Variants in ZNF827 observed in about 807,000 individuals in gnomAD.
The protein encoded by ZNF827 is zinc finger protein 827.
A neutral mutation model predicts 102.4 loss-of-function variants in ZNF827; 13 were observed. The ratio of observed to expected loss-of-function variants is 0.13; its 90% CI spans 0.08 to 0.20. The LOEUF is 0.20. ZNF827 is among the 10% of genes least tolerant of loss of function. The pLI, the probability that ZNF827 is intolerant of heterozygous loss-of-function variation, is 1.00. For missense variants in ZNF827, 1,103 were observed against 1,344.4 expected (o/e 0.82, Z 2.81); for synonymous variants, 523 against 536.2 (o/e 0.98, Z 0.34).
chr4:145,903,131 G>A lies in ZNF827; in HGVS notation c.128C>T (p.Ala43Val), dbSNP rs755375959. Residue 43 changes from alanine to valine, a missense_variant, in exon 2 of 15, where the codon GCA (alanine) becomes GTA (valine). Coordinates refer to ENST00000508784, the MANE Select transcript of ZNF827 (RefSeq NM_001306215.2). ...GTTCTCCTGGACTTCCCCATAGGATGCTTCTGACGGAGTCTCTGAAGAGTT... is the reference window on the plus strand; with the variant it reads ...GTTCTCCTGGACTTCCCCATAGGATACTTCTGACGGAGTCTCTGAAGAGTT... ...YGNSSETPSE[A>V]SYGEVQENYK... 1.1e-5 allele frequency: 18 copies of A among 1,614,208 alleles called. No individual in the cohort carries two copies. The highest frequency in any genetic ancestry group is 6.6e-5 in the South Asian group (6 of 91,080).
chr4:145,779,872 T>C (rs74770515), intron 8 of ZNF827, among the ~76,000 whole-genome samples: 2,762 of 152,352 alleles, frequency 0.018, 41 homozygotes, highest in Middle Eastern at 0.031. Context: ...TCCAGAAATG[T>C]AGGCTCTTGC....
At chr4:145,854,220 T>C (rs1272845049) in intron 5 of ZNF827, among the ~76,000 whole-genome samples, 1 of 151,952 alleles carries the variant, frequency 6.6e-6, no homozygotes, top group Non-Finnish European at 1.5e-5. Flanking sequence ...AGAAGTTCTG[T>C]GTTGCCTAAG....
intron 2 of ZNF827, among the ~76,000 whole-genome samples, chr4:145,895,310 C>G (rs1027507611): frequency 9.2e-5 from 14 of 152,164 alleles, no homozygotes; most frequent in African/African-American, 3.4e-4. Context: ...TCAGTCTTCA[C>G]CCTAATCAAC....
chr4:145,880,036 A>T (rs1469676153), intron 4 of ZNF827, among the ~76,000 whole-genome samples: 1 of 152,160 alleles, frequency 6.6e-6, no homozygotes, highest in African/African-American at 2.4e-5. Flanking sequence ...GGAGTTCAAG[A>T]CCAGCCTGGC....
intron 8 of ZNF827, 42 bp downstream of exon 8, chr4:145,823,380 A>G (rs369831337): frequency 1.3e-6 from 2 of 1,499,202 alleles, no homozygotes; most frequent in Non-Finnish European, 1.9e-6. Context: ...AGTAATTCTT[A>G]AGCAATCAAC....
intron 7 of ZNF827, among the ~76,000 whole-genome samples, chr4:145,841,214 T>G (rs1309054215): frequency 6.6e-6 from 1 of 152,222 alleles, no homozygotes; most frequent in African/African-American, 2.4e-5. Flanking sequence ...TACACAACAT[T>G]GAGCATGTCC....
intron 3 of ZNF827, among the ~76,000 whole-genome samples, chr4:145,888,121 G>C (rs909215833): frequency 2.6e-5 from 4 of 152,170 alleles, no homozygotes; most frequent in Admixed American, 1.3e-4. Flanking sequence ...GTTATATTTA[G>C]TTATGGACAA....
At chr4:145,892,546 AT>A in intron 2 of ZNF827, 131 bp from the exon 3 acceptor site, 2 of 996,466 alleles carry the variant, frequency 2.0e-6, no homozygotes, top group Non-Finnish European at 2.8e-6. Context: ...CAATTCCGAG[AT>A]TTTATCCATA....
intron 4 of ZNF827, among the ~76,000 whole-genome samples, chr4:145,882,693 G>C (rs1749773079): frequency 6.6e-6 from 1 of 152,186 alleles, no homozygotes; most frequent in South Asian, 2.1e-4. Flanking sequence ...GAAACAAGTA[G>C]GTGTCTGCAC....
intron 2 of ZNF827, among the ~76,000 whole-genome samples, chr4:145,898,579 T>C (rs914081124): frequency 2.6e-5 from 4 of 152,220 alleles, no homozygotes; most frequent in Non-Finnish European, 5.9e-5. Context: ...TTTATCTTTA[T>C]AGCAAACGGA....
chr4:145,845,532 T>C (rs553097487), intron 7 of ZNF827, among the ~76,000 whole-genome samples: 1 of 152,214 alleles, frequency 6.6e-6, no homozygotes, highest in South Asian at 2.1e-4. Flanking sequence ...TATCAGCCTA[T>C]AGTCATGGAG....
At chr4:145,873,326 T>A (rs1328349797) in intron 4 of ZNF827, among the ~76,000 whole-genome samples, 1 of 152,124 alleles carries the variant, frequency 6.6e-6, no homozygotes, top group Non-Finnish European at 1.5e-5. Context: ...GTTGAATGAG[T>A]AAAATGTGTT....
At chr4:145,871,432 C>T (rs912264026) in intron 4 of ZNF827, among the ~76,000 whole-genome samples, 1 of 152,170 alleles carries the variant, frequency 6.6e-6, no homozygotes, top group Non-Finnish European at 1.5e-5. Flanking sequence ...TGTACCAGGC[C>T]TTCTCCACTG....
chr4:145,777,489 C>G (rs1737302466), intron 9 of ZNF827, among the ~76,000 whole-genome samples: 1 of 152,176 alleles, frequency 6.6e-6, no homozygotes, highest in African/African-American at 2.4e-5. Flanking sequence ...CCGACTGATT[C>G]AAGTTCCCTC....
At chr4:145,880,740 GAAAAGCAAGGCAGGGTT>G (rs528074878) in intron 4 of ZNF827, among the ~76,000 whole-genome samples, 130 of 152,346 alleles carry the variant, frequency 8.5e-4, no homozygotes, top group Middle Eastern at 3.4e-3. Context: ...CCCATCACCA[GAAAAGCAAGGCAGGGTT>G]AAAAGGAAGG....
chr4:145,792,104 G>A lies in ZNF827; in HGVS notation c.2384-12593C>T, dbSNP rs537542651. The stretch of plus-strand genomic sequence containing the variant: ...AAGATTTCTATGAGATGGTGACCTC[G>A]TTTTGGACCTGGTGCTAAGGAGGCC... On this transcript the variant is annotated intron_variant, in intron 8 of 14. Transcript: ENST00000508784. Among the ~76,000 whole-genome samples, 6 of 152,284 alleles carry A rather than the reference G, an allele frequency of 3.9e-5. No individual in the cohort carries two copies. In the South Asian group the frequency reaches 6.2e-4, roughly 16 times the overall value.
chr4:145,870,154 A>T, intron 5 of ZNF827, 91 bp downstream of exon 5: 1 of 1,206,102 alleles, frequency 8.3e-7, no homozygotes. Flanking sequence ...TATTGCTGCC[A>T]TTGGGTTAAT....
At chr4:145,878,505 C>G (rs1056299405) in intron 4 of ZNF827, among the ~76,000 whole-genome samples, 2 of 150,638 alleles carry the variant, frequency 1.3e-5, no homozygotes, top group African/African-American at 2.5e-5. Flanking sequence ...GTCAGGAGTT[C>G]GAGACCAGCC....
At chr4:145,883,690 G>A (rs1420355939) in intron 4 of ZNF827, among the ~76,000 whole-genome samples, 4 of 152,224 alleles carry the variant, frequency 2.6e-5, no homozygotes, top group Admixed American at 6.5e-5. Flanking sequence ...GAGTCATGGA[G>A]TAAAGGGAGT....
Sources: gnomAD v4.1 joint callset for allele counts (sites outside exome capture counted in the v4.1 genomes callset) on GRCh38, gnomAD v4.1.1 for gene constraint, MANE v1.5 for transcripts, NCBI Gene and HGNC (gene_info 2026-07-23, HGNC 2026-07-21) for gene names.